Variants in TGFBRAP1 observed in about 807,000 individuals in gnomAD.
The protein encoded by TGFBRAP1 is transforming growth factor-beta receptor-associated protein 1.
Under a neutral mutation model 83.2 loss-of-function variants are expected in TGFBRAP1, and 20 were observed. The observed-to-expected ratio is 0.24, with a 90% CI of 0.17 to 0.35. TGFBRAP1 has a LOEUF of 0.35. Ranked by LOEUF, TGFBRAP1 falls within the 10% of genes least tolerant of loss-of-function variation. The pLI is 1.00. For synonymous variants in TGFBRAP1, 415 were observed against 459.8 expected (o/e 0.90, Z 1.25); for missense variants, 950 against 1,099.4 (o/e 0.86, Z 1.92).
chr2:105,251,067 G>C, the TGFBRAP1 span, among the ~76,000 whole-genome samples: 1 of 152,118 alleles, frequency 6.6e-6, no homozygotes, highest in African/African-American at 2.4e-5. Flanking sequence ...GCCTCTGCCC[G>C]GCCGCCACCC....
chr2:105,290,307 T>C (rs1677860020), intron 4 of TGFBRAP1, among the ~76,000 whole-genome samples: 1 of 152,160 alleles, frequency 6.6e-6, no homozygotes, highest in Non-Finnish European at 1.5e-5. Flanking sequence ...CCTCAAGTGA[T>C]CCTCCTGTCT....
At chr2:105,316,462 T>TGTGTGTGTGTGTGTGTGTGTGTGC (rs1177329674) in intron 1 of TGFBRAP1, among the ~76,000 whole-genome samples, 3 of 84,816 alleles carry the variant, frequency 3.5e-5, no homozygotes, top group Admixed American at 1.2e-4. Flanking sequence ...TGTGTGTGTG[T>TGTGTGTGTGTGTGTGTGTGTGTGC]GCGCGCGCGC....
intron 4 of TGFBRAP1, among the ~76,000 whole-genome samples, chr2:105,286,888 T>C (rs1389330050): frequency 2.0e-5 from 3 of 152,200 alleles, no homozygotes; most frequent in Non-Finnish European, 4.4e-5. Context: ...AAGTTAAACA[T>C]AACACAAGCG....
chr2:105,266,201 C>T lies in TGFBRAP1; in HGVS notation c.*1182G>A, dbSNP rs1423795101. 2 of 152,200 alleles carry T rather than the reference C, an allele frequency of 1.3e-5. No homozygotes were observed. Among genetic ancestry groups the T allele is most frequent in the East Asian group, 3.9e-4 (2 of 5,182 alleles). 9.4% of individuals were successfully genotyped at this position (152,200 alleles called of 1,614,324 possible). The stretch of plus-strand genomic sequence containing the variant: ...TGTTCAGGACACCTCAGAGCAGGCA[C>T]ATAAAGTGCTGGAGGGTGACACAGC... On this transcript the variant is annotated 3_prime_UTR_variant, in exon 12 of 12. Transcript: ENST00000393359.
chr2:105,252,936 A>G, the TGFBRAP1 span, among the ~76,000 whole-genome samples: 4 of 150,924 alleles, frequency 2.7e-5, no homozygotes, highest in Non-Finnish European at 4.4e-5. Flanking sequence ...TTGTATTTTT[A>G]GTAGCGACGG....
chr2:105,309,116 G>A (rs112743470), intron 1 of TGFBRAP1, among the ~76,000 whole-genome samples: 1 of 152,208 alleles, frequency 6.6e-6, no homozygotes, highest in Non-Finnish European at 1.5e-5. Flanking sequence ...CTAGCCCGTC[G>A]CCTCCTACTT....
intron 4 of TGFBRAP1, among the ~76,000 whole-genome samples, chr2:105,289,049 A>G (rs1015054573): frequency 3.3e-5 from 5 of 152,288 alleles, no homozygotes; most frequent in Middle Eastern, 3.4e-3. Context: ...GTTTGGTGAA[A>G]CAAACTGGAA....
the TGFBRAP1 span, among the ~76,000 whole-genome samples, chr2:105,254,672 A>G: frequency 0.42 from 64,129 of 151,754 alleles, 15,800 homozygotes; most frequent in Non-Finnish European, 0.57. Flanking sequence ...AAGGGTTTCC[A>G]GACTCGTGTC....
At chr2:105,316,462 T>TGCGCGCGC (rs764527678) in intron 1 of TGFBRAP1, among the ~76,000 whole-genome samples, 308 of 84,760 alleles carry the variant, frequency 3.6e-3, no homozygotes, top group Non-Finnish European at 4.6e-3. Flanking sequence ...TGTGTGTGTG[T>TGCGCGCGC]GCGCGCGCGC....
At chr2:105,328,743 T>C (rs1679289319) in intron 1 of TGFBRAP1, among the ~76,000 whole-genome samples, 1 of 152,252 alleles carries the variant, frequency 6.6e-6, no homozygotes, top group Non-Finnish European at 1.5e-5. Context: ...CAGACATGTT[T>C]TGACCACAGC....
chr2:105,280,439 A>G lies in TGFBRAP1; in HGVS notation c.1406T>C (p.Val469Ala), dbSNP rs762112160. Residue 469 changes from valine (V) to alanine (A), a missense_variant, in exon 6 of 12, where the codon GTC becomes GCC. Val to Ala is a moderately conservative substitution (Grantham distance 64). Transcript: ENST00000393359. ...ADHDSLLDLL[V>A]TENFCLLTDS... ...CGTCAGAAGACAGAAGTTCTCAGTG[A>G]CCAGGAGGTCCAGCAGGCTGTCGTG... 3 of 1,614,196 alleles carry G rather than the reference A, an allele frequency of 1.9e-6. No homozygotes were observed. The highest frequency in any genetic ancestry group is 8.5e-7 in the Non-Finnish European group (1 of 1,180,024).
At chr2:105,263,346 C>T (rs746472261), downstream of TGFBRAP1, among the ~76,000 whole-genome samples, 6 of 152,210 alleles carry the variant, frequency 3.9e-5, no homozygotes, top group South Asian at 8.3e-4. Context: ...AAAGCCAATG[C>T]GAGTCCACCC....
At chr2:105,295,536 G>C (rs1484813303) in intron 4 of TGFBRAP1, among the ~76,000 whole-genome samples, 1 of 152,088 alleles carries the variant, frequency 6.6e-6, no homozygotes, top group African/African-American at 2.4e-5. Context: ...CTCCTGGCCG[G>C]GCACGGTGGC....
intron 1 of TGFBRAP1, among the ~76,000 whole-genome samples, chr2:105,309,449 A>G (rs570397198): frequency 6.6e-6 from 1 of 152,364 alleles, no homozygotes; most frequent in South Asian, 2.1e-4. Context: ...AGTTCCTAAT[A>G]CTTGGAGGCA....
intron 4 of TGFBRAP1, among the ~76,000 whole-genome samples, chr2:105,290,153 G>C (rs575869309): frequency 1.1e-4 from 16 of 152,264 alleles, no homozygotes; most frequent in Admixed American, 1.0e-3. Context: ...TACAACCTCC[G>C]CCTCACGGGT....
chr2:105,250,826 G>A, the TGFBRAP1 span, among the ~76,000 whole-genome samples: 3 of 152,328 alleles, frequency 2.0e-5, no homozygotes, highest in Non-Finnish European at 4.4e-5. Context: ...ACTGGTTTTC[G>A]TATTTTTTTG....
chr2:105,276,903 C>T (rs541530370), intron 7 of TGFBRAP1, among the ~76,000 whole-genome samples: 1 of 152,306 alleles, frequency 6.6e-6, no homozygotes, highest in African/African-American at 2.4e-5. Context: ...GGGAACATGG[C>T]TGATGCTCTT....
At chr2:105,309,564 T>C (rs1473021356) in intron 1 of TGFBRAP1, among the ~76,000 whole-genome samples, 1 of 151,960 alleles carries the variant, frequency 6.6e-6, no homozygotes, top group African/African-American at 2.4e-5. Flanking sequence ...AAATAGAAAA[T>C]TTGGAATTCT....
In TGFBRAP1 at chr2:105,275,163, T is replaced by A. The variant is rs986862845; in HGVS notation, c.1665+397A>T. Among the ~76,000 whole-genome samples, 4 of 152,230 alleles carry A rather than the reference T, an allele frequency of 2.6e-5. No individual in the cohort carries two copies. The East Asian group carries it at 7.7e-4, about 29-fold the overall frequency. ...TGGCCCAGGTCTGGGTGCTTCCTCC[T>A]CCCAAAGATCAAGTCCTTCAGGGCA... On this transcript the variant is annotated intron_variant, in intron 8 of 11. Transcript: ENST00000393359.
Sources: allele counts gnomAD v4.1 joint callset (sites outside exome capture counted in the v4.1 genomes callset), GRCh38; gene constraint gnomAD v4.1.1; transcripts MANE v1.5; gene names NCBI Gene and HGNC (gene_info 2026-07-23, HGNC 2026-07-21).